NCALD: variants seen among roughly 807,000 people sequenced by gnomAD.
The protein encoded by NCALD is neurocalcin-delta.
NCALD carries 10 observed loss-of-function variants against 18.6 expected under a neutral mutation model. The observed-to-expected ratio is 0.54, with a 90% confidence interval of 0.33 to 0.91. The LOEUF is 0.91. NCALD is among the 40% of genes least tolerant of loss of function. The pLI, the probability that NCALD is intolerant of heterozygous loss-of-function variation, is 0.03. For synonymous variants in NCALD, 88 were observed against 87.4 expected (o/e 1.01, Z -0.04); for missense variants, 184 against 247.6 (o/e 0.74, Z 1.72).
At chr8:102,124,119 C>T (rs1404968235) in intron 1 of NCALD, 1 of 152,198 alleles carries the variant, frequency 6.6e-6, no homozygotes, top group East Asian at 1.9e-4. Flanking sequence ...ACCCCTGCGC[C>T]CGCGGCGCAC....
At chr8:102,119,030 A>G (rs1029471437) in intron 1 of NCALD, among the ~76,000 whole-genome samples, 18 of 152,244 alleles carry the variant, frequency 1.2e-4, no homozygotes, top group Non-Finnish European at 2.5e-4. Flanking sequence ...TCCAAAACTT[A>G]AACACAGAAT....
chr8:101,694,637 AGC>A (rs1183828888), intron 2 of NCALD, among the ~76,000 whole-genome samples: 1 of 152,088 alleles, frequency 6.6e-6, no homozygotes, highest in African/African-American at 2.4e-5. Context: ...CCCTGGGGTA[AGC>A]TGAGCCATTT....
At chr8:101,909,401 T>C (rs1281984119) in intron 3 of NCALD, among the ~76,000 whole-genome samples, 3 of 152,270 alleles carry the variant, frequency 2.0e-5, no homozygotes, top group Admixed American at 1.3e-4. Context: ...AGCAAAGAAA[T>C]GCCCTCCTGT....
intron 4 of NCALD, among the ~76,000 whole-genome samples, chr8:101,840,495 A>T (rs370443393): frequency 8.5e-5 from 13 of 152,278 alleles, no homozygotes; most frequent in African/African-American, 2.9e-4. Context: ...GTATATATAA[A>T]AGTAGGTGCA....
At chr8:101,775,634 T>C (rs562171837) in intron 1 of NCALD, among the ~76,000 whole-genome samples, 28 of 152,240 alleles carry the variant, frequency 1.8e-4, no homozygotes, top group Non-Finnish European at 3.4e-4. Flanking sequence ...CCAAGAGCCC[T>C]GGGGGATCAG....
At chr8:102,048,699 G>T (rs1260384401) in intron 1 of NCALD, among the ~76,000 whole-genome samples, 1 of 152,166 alleles carries the variant, frequency 6.6e-6, no homozygotes, top group Admixed American at 6.5e-5. Flanking sequence ...TTGTTTGTGG[G>T]TTTTGCCTCC....
chr8:101,960,036 T>C (rs1254168696), intron 2 of NCALD, among the ~76,000 whole-genome samples: 2 of 152,150 alleles, frequency 1.3e-5, no homozygotes, highest in African/African-American at 4.8e-5. Flanking sequence ...CCCTATCTAA[T>C]GGCTTTTGGG....
chr8:101,958,404 C>T (rs562619757), intron 2 of NCALD, among the ~76,000 whole-genome samples: 3 of 152,054 alleles, frequency 2.0e-5, no homozygotes, highest in South Asian at 2.1e-4. Flanking sequence ...ACTGAAGCTT[C>T]GTTATTACAT....
chr8:101,718,709 A>G (rs1008563574), intron 2 of NCALD, among the ~76,000 whole-genome samples: 1 of 152,240 alleles, frequency 6.6e-6, no homozygotes, highest in African/African-American at 2.4e-5. Context: ...CTCTCAGCCA[A>G]GGGCATTCTA....
At chr8:101,958,422 G>A (rs1256361558) in intron 2 of NCALD, among the ~76,000 whole-genome samples, 2 of 152,126 alleles carry the variant, frequency 1.3e-5, no homozygotes, top group African/African-American at 4.8e-5. Context: ...CATCACTGAT[G>A]TAGGGAGGAA....
intron 1 of NCALD, among the ~76,000 whole-genome samples, chr8:101,754,308 T>C (rs529454572): frequency 6.6e-6 from 1 of 152,312 alleles, no homozygotes; most frequent in African/African-American, 2.4e-5. Flanking sequence ...ATTTACAATA[T>C]CTTACAACAG....
At chr8:102,010,166 A>T (rs1821856445) in intron 2 of NCALD, among the ~76,000 whole-genome samples, 1 of 152,242 alleles carries the variant, frequency 6.6e-6, no homozygotes, top group African/African-American at 2.4e-5. Flanking sequence ...ACCCTCCAGC[A>T]AGATGTTATA....
chr8:101,989,941 G>A (rs1049851521), intron 2 of NCALD, among the ~76,000 whole-genome samples: 2 of 152,206 alleles, frequency 1.3e-5, no homozygotes, highest in Non-Finnish European at 2.9e-5. Flanking sequence ...GGTTAACACA[G>A]CCTTTCACAT....
chr8:102,103,692 G>A (rs1036439423), intron 1 of NCALD, among the ~76,000 whole-genome samples: 2 of 152,020 alleles, frequency 1.3e-5, no homozygotes, highest in African/African-American at 2.4e-5. Context: ...GTAGCTGGGA[G>A]GCACTCTGAC....
chr8:101,929,641 CAGGG>C (rs1271732146), intron 2 of NCALD, among the ~76,000 whole-genome samples: 4 of 37,254 alleles, frequency 1.1e-4, no homozygotes, highest in African/African-American at 2.3e-4. Flanking sequence ...AGGAAGGAGG[CAGGG>C]AGGGAGGGAG....
At chr8:101,726,043 T>C (rs1030907046) in intron 1 of NCALD, among the ~76,000 whole-genome samples, 1 of 151,958 alleles carries the variant, frequency 6.6e-6, no homozygotes, top group African/African-American at 2.4e-5. Flanking sequence ...GAAGACTCTT[T>C]GAAGAGCAAG....
chr8:101,794,681 C>T (rs1023917935), upstream of NCALD, among the ~76,000 whole-genome samples: 2 of 152,090 alleles, frequency 1.3e-5, no homozygotes, highest in Non-Finnish European at 2.9e-5. Context: ...AAATCATTTA[C>T]TATAATAATC....
chr8:101,957,314 T>TTTTA (rs1491405142), intron 2 of NCALD, among the ~76,000 whole-genome samples: 4 of 126,030 alleles, frequency 3.2e-5, no homozygotes, highest in Non-Finnish European at 7.0e-5. Flanking sequence ...TTTTTTTTTT[T>TTTTA]AGCACAAAGC....
intron 2 of NCALD, among the ~76,000 whole-genome samples, chr8:101,921,438 C>T (rs1393241460): frequency 2.0e-5 from 3 of 151,712 alleles, no homozygotes; most frequent in African/African-American, 7.3e-5. Flanking sequence ...GTTAGGAAAA[C>T]ATTAGAAAAA....
Sources: allele counts gnomAD v4.1 joint callset (sites outside exome capture counted in the v4.1 genomes callset), GRCh38; gene constraint gnomAD v4.1.1; transcripts MANE v1.5; gene names NCBI Gene and HGNC (gene_info 2026-07-23, HGNC 2026-07-21).